The following WDR64 variants were observed in gnomAD, a reference collection of about 807,000 sequenced individuals.
WDR64 encodes WD repeat-containing protein 64.
Under a neutral mutation model 139.3 loss-of-function variants are expected in WDR64, and 112 were observed. The ratio of observed to expected loss-of-function variants is 0.80; its 90% CI spans 0.69 to 0.94. The LOEUF is 0.94. Among genes scored for constraint, WDR64 ranks in the 40% least tolerant of loss-of-function variants. The probability of loss-of-function intolerance (pLI) is 0.00; values close to 1 mark genes in which losing one functional copy is unlikely to be tolerated. For missense variants in WDR64, 1,206 were observed against 1,293.1 expected, an observed-to-expected ratio of 0.93 and a Z score of 1.03; for synonymous variants, 444 against 437.7, an observed-to-expected ratio of 1.01 and a Z score of -0.18.
intron 20 of WDR64, among the ~76,000 whole-genome samples, chr1:241,773,419 A>G (rs1317399194): frequency 2.6e-5 from 4 of 152,180 alleles, no homozygotes; most frequent in South Asian, 2.1e-4. Flanking sequence ...AGAAAAATCT[A>G]TTGAGCCTGC....
chr1:241,665,430 C>A (rs751443778), intron 2 of WDR64, among the ~76,000 whole-genome samples: 1 of 152,150 alleles, frequency 6.6e-6, no homozygotes, highest in Non-Finnish European at 1.5e-5. Context: ...TGATATTAAT[C>A]TTATCAGGTA....
rs116407448 is a variant in WDR64, at chr1:241,780,878, G to T, written c.2595+816G>T. Among the ~76,000 whole-genome samples, 988 of 152,240 alleles carry T rather than the reference G, an allele frequency of 6.5e-3. 14 individuals are homozygous for T. The highest frequency in any genetic ancestry group is 0.023 in the African/African-American group (948 of 41,550). On this transcript the variant is annotated intron_variant, in intron 22 of 27. Coordinates refer to ENST00000437684, the MANE Select transcript of WDR64 (RefSeq NM_001367482.1). ...CAGGGCCAGGGTCGGGGTTCTGATT[G>T]CTAATCCAATACTCTTTCCGTATAT...
intron 23 of WDR64, among the ~76,000 whole-genome samples, chr1:241,784,953 G>GGA (rs766802128): frequency 5.6e-4 from 35 of 62,248 alleles, no homozygotes; most frequent in South Asian, 8.9e-4. Context: ...GACTCTGTCT[G>GGA]AAAAAAAAAA....
At chr1:241,779,161 T>C (rs1658761284) in intron 21 of WDR64, among the ~76,000 whole-genome samples, 2 of 152,196 alleles carry the variant, frequency 1.3e-5, no homozygotes, top group Non-Finnish European at 2.9e-5. Context: ...TGGTCGGTTT[T>C]TTCTCTCAAC....
intron 6 of WDR64, 51 bp downstream of exon 6, chr1:241,679,646 T>C: frequency 1.4e-6 from 2 of 1,441,724 alleles, no homozygotes; most frequent in East Asian, 2.5e-5. Flanking sequence ...TTTTCAGTAG[T>C]GGTACGATAT....
chr1:241,746,649 CAAGT>C (rs572898592), intron 13 of WDR64, among the ~76,000 whole-genome samples: 47 of 151,676 alleles, frequency 3.1e-4, no homozygotes, highest in Admixed American at 3.1e-3. Context: ...GTAGTTATTA[CAAGT>C]AATACAAAGA....
intron 14 of WDR64, among the ~76,000 whole-genome samples, chr1:241,755,219 C>T (rs1284136540): frequency 6.6e-6 from 1 of 152,188 alleles, no homozygotes; most frequent in African/African-American, 2.4e-5. Flanking sequence ...TCTCCATATC[C>T]TCTCCAGCAT....
intron 3 of WDR64, among the ~76,000 whole-genome samples, chr1:241,674,381 C>T (rs542709971): frequency 3.3e-5 from 5 of 151,174 alleles, no homozygotes; most frequent in Non-Finnish European, 5.9e-5. Flanking sequence ...CTCAGCCTCC[C>T]GAGGAACTGG....
chr1:241,729,302 G>A (rs1447859035), intron 10 of WDR64, among the ~76,000 whole-genome samples: 8 of 152,264 alleles, frequency 5.3e-5, no homozygotes, highest in Admixed American at 2.0e-4. Flanking sequence ...AGCACTTGTA[G>A]ACCTCTTATC....
chr1:241,721,516 A>G (rs1668609713), intron 9 of WDR64, among the ~76,000 whole-genome samples: 1 of 152,088 alleles, frequency 6.6e-6, no homozygotes, highest in Non-Finnish European at 1.5e-5. Context: ...TACTAACTCA[A>G]TTCCATTTTC....
chr1:241,666,421 G>A (rs904526071), intron 2 of WDR64, among the ~76,000 whole-genome samples: 8 of 151,972 alleles, frequency 5.3e-5, no homozygotes, highest in East Asian at 1.9e-4. Context: ...GATATTTTTC[G>A]TATCCTTTGG....
Position 241,763,016 on chromosome 1 carries a change from T to C in WDR64, c.1948-3202T>C, listed in dbSNP as rs144908408. On this transcript the variant is annotated intron_variant, in intron 15 of 27. Coordinates refer to ENST00000437684, the MANE Select transcript of WDR64 (RefSeq NM_001367482.1). Reference sequence around the variant, plus strand: ...GTCATAATAACGTTATCATGTAATATGCACAAAAGACAGAACAAAATGCAT... The same window carrying C: ...GTCATAATAACGTTATCATGTAATACGCACAAAAGACAGAACAAAATGCAT... Among the ~76,000 whole-genome samples, 323 of 152,334 alleles carry C rather than the reference T, an allele frequency of 2.1e-3. 2 individuals carry two copies. The highest frequency in any genetic ancestry group is 3.2e-3 in the Non-Finnish European group (215 of 68,030).
intron 9 of WDR64, among the ~76,000 whole-genome samples, chr1:241,718,778 T>G (rs140008001): frequency 0.011 from 1,701 of 152,186 alleles, 24 homozygotes; most frequent in African/African-American, 0.038. Context: ...TGGCGAGAGC[T>G]CTCTTCCTGG....
In WDR64 at chr1:241,652,384, A is replaced by C; in HGVS notation, c.-101A>C. 1 of 1,280,974 alleles carries C rather than the reference A, an allele frequency of 7.8e-7. No homozygotes were observed. Among genetic ancestry groups the C allele is most frequent in the South Asian group, 1.5e-5 (1 of 64,798 alleles). 79.4% of individuals were successfully genotyped at this position (1,280,974 alleles called of 1,614,324 possible). A position where few individuals can be genotyped will look rare whatever the true frequency, so the allele number is the denominator to read the frequency against. ...CAAAGGAATTAGACCTAGGGCAAAA[A>C]CTGAGACAGCAGGGAGGCACTGTAA... On this transcript the variant is annotated 5_prime_UTR_variant, in exon 1 of 28. Transcript: ENST00000437684.
chr1:241,795,224 G>A lies in WDR64; in HGVS notation c.3015G>A (p.Leu1005=), dbSNP rs758167345. Reference sequence around the variant, plus strand: ...TTTTGCAGATTCGAAGATATCCCTTGGAAGGTTTCGTGACTGAAAACAGAG... The same window carrying A: ...TTTTGCAGATTCGAAGATATCCCTTAGAAGGTTTCGTGACTGAAAACAGAG... The part of the protein sequence containing the change: ...LSSPKIRRYP[L]EGFVTENREA... Residue 1005 remains leucine, a synonymous_variant, in exon 26 of 28, where the codon TTG becomes TTA. Transcript: ENST00000437684. 12 of 1,613,712 alleles carry A rather than the reference G, an allele frequency of 7.4e-6. No homozygotes were observed. The Admixed American group carries it at 1.8e-4, about 25-fold the overall frequency.
chr1:241,736,851 A>G (rs185204018), intron 10 of WDR64, among the ~76,000 whole-genome samples: 40 of 152,346 alleles, frequency 2.6e-4, no homozygotes, highest in Admixed American at 1.7e-3. Context: ...AGACTCAAGG[A>G]GTTTAAGTGA....
intron 1 of WDR64, among the ~76,000 whole-genome samples, chr1:241,653,543 CT>C (rs33934176): frequency 0.037 from 5,014 of 137,072 alleles, 188 homozygotes; most frequent in African/African-American, 0.097. Flanking sequence ...CTTTTCTTTT[CT>C]TTTTTTTTTT....
intron 16 of WDR64, among the ~76,000 whole-genome samples, chr1:241,767,901 A>G (rs1658252174): frequency 1.3e-5 from 2 of 151,998 alleles, no homozygotes; most frequent in South Asian, 4.2e-4. Flanking sequence ...ACTTCAGCCC[A>G]TGCCCCCAGC....
intron 8 of WDR64, among the ~76,000 whole-genome samples, chr1:241,705,391 A>G (rs1038434590): frequency 6.6e-5 from 10 of 151,726 alleles, no homozygotes; most frequent in African/African-American, 2.4e-4. Context: ...AATACAAAAA[A>G]AATAGCAGGG....
Sources: allele counts gnomAD v4.1 joint callset (sites outside exome capture counted in the v4.1 genomes callset), GRCh38; gene constraint gnomAD v4.1.1; transcripts MANE v1.5; gene names NCBI Gene and HGNC (gene_info 2026-07-23, HGNC 2026-07-21).